The following PPM1L variants were observed in gnomAD, a reference collection of about 807,000 sequenced individuals.
PPM1L encodes the protein protein phosphatase 1L.
PPM1L carries 13 observed loss-of-function variants against 31.4 expected under a neutral mutation model. The ratio of observed to expected loss-of-function variants is 0.41; its 90% CI spans 0.27 to 0.66. PPM1L has a LOEUF of 0.66. Ranked by LOEUF, PPM1L falls within the 30% of genes least tolerant of loss-of-function variation. The pLI is 0.29. For synonymous variants in PPM1L, 184 were observed against 175.4 expected, an observed-to-expected ratio of 1.05 and a Z score of -0.39; for missense variants, 326 against 453.7, an observed-to-expected ratio of 0.72 and a Z score of 2.56.
At chr3:160,961,713 C>T (rs752723928) in intron 1 of PPM1L, 23 bp from the exon 2 acceptor site, 3 of 1,563,798 alleles carry the variant, frequency 1.9e-6, no homozygotes, top group South Asian at 1.2e-5. Context: ...GGAGTTCTCT[C>T]TCTCTGACTG....
At chr3:161,006,485 G>A (rs932239761) in intron 2 of PPM1L, among the ~76,000 whole-genome samples, 3 of 152,106 alleles carry the variant, frequency 2.0e-5, no homozygotes, top group African/African-American at 7.2e-5. Context: ...AAATGACTAA[G>A]AGGGTGAACT....
At chr3:160,770,521 T>C (rs1188550260) in intron 1 of PPM1L, among the ~76,000 whole-genome samples, 2 of 152,208 alleles carry the variant, frequency 1.3e-5, no homozygotes, top group Admixed American at 1.3e-4. Context: ...CTAGAACTTA[T>C]ATAGATGTAA....
chr3:160,978,851 GAGAA>G (rs976177626), intron 2 of PPM1L, among the ~76,000 whole-genome samples: 25 of 151,600 alleles, frequency 1.6e-4, no homozygotes, highest in African/African-American at 2.7e-4. Context: ...GAAAGAAAGA[GAGAA>G]AGAGAGAGAG....
chr3:161,022,144 T>C, intron 2 of PPM1L: 1 of 683,026 alleles, frequency 1.5e-6, no homozygotes, highest in Non-Finnish European at 2.7e-6. Flanking sequence ...TTTTTTTTTT[T>C]TTACCCTTAG....
chr3:161,069,110 G>C lies in PPM1L; in HGVS notation c.1036G>C (p.Val346Leu). 1 of 1,614,168 alleles carries C rather than the reference G, an allele frequency of 6.2e-7. No individual in the cohort carries two copies. Among genetic ancestry groups the C allele is most frequent in the Non-Finnish European group, 8.5e-7 (1 of 1,180,032 alleles). The part of the protein sequence containing the change: ...FYRGCPDNIT[V>L]MVVKFRNSSK... ...CAGAGGCTGCCCTGACAATATAACAGTCATGGTGGTGAAGTTCAGAAATAG... is the reference window on the plus strand; with the variant it reads ...CAGAGGCTGCCCTGACAATATAACACTCATGGTGGTGAAGTTCAGAAATAG... Residue 346 changes from valine (V) to leucine (L), a missense_variant, in exon 4 of 4, where the codon GTC (valine) becomes CTC (leucine). Around this residue, in one of 3 missense-constraint regions of PPM1L, gnomAD observed 201 missense variants for 298.2 expected, o/e 0.67. Coordinates refer to ENST00000498165, the MANE Select transcript of PPM1L (RefSeq NM_139245.4).
At chr3:160,959,266 G>A (rs1031558915) in intron 1 of PPM1L, among the ~76,000 whole-genome samples, 3 of 145,244 alleles carry the variant, frequency 2.1e-5, no homozygotes, top group Admixed American at 6.8e-5. Context: ...AAAGGCATAA[G>A]AATGATATAA....
chr3:160,982,273 A>G (rs1028496458), intron 2 of PPM1L, among the ~76,000 whole-genome samples: 6 of 152,292 alleles, frequency 3.9e-5, no homozygotes, highest in African/African-American at 1.4e-4. Flanking sequence ...CCTCTAATTC[A>G]TTAAGATATT....
intron 2 of PPM1L, among the ~76,000 whole-genome samples, chr3:160,986,712 G>C (rs1273006657): frequency 1.3e-5 from 2 of 152,052 alleles, no homozygotes; most frequent in Non-Finnish European, 2.9e-5. Context: ...CTTCCCTTTA[G>C]CATGGTTGAG....
chr3:160,884,129 G>T (rs1403641559), intron 1 of PPM1L, among the ~76,000 whole-genome samples: 3 of 151,942 alleles, frequency 2.0e-5, no homozygotes, highest in Non-Finnish European at 4.4e-5. Context: ...TATCCCTAAA[G>T]AATTTACCAT....
intron 1 of PPM1L, among the ~76,000 whole-genome samples, chr3:160,838,827 G>A (rs1451385942): frequency 1.3e-5 from 2 of 152,130 alleles, no homozygotes; most frequent in African/African-American, 4.8e-5. Flanking sequence ...GGTCTTGGGG[G>A]TTAAAAACAG....
At position 160,884,286 on chromosome 3, in the gene PPM1L, T is replaced by A. The variant is rs147483437; in HGVS notation, c.400-77450T>A. 1.2e-3 allele frequency among the ~76,000 whole-genome samples: 178 copies of A among 152,306 alleles called. 3 individuals carry two copies. The East Asian group carries it at 0.034, about 29-fold the overall frequency. On this transcript the variant is annotated intron_variant, in intron 1 of 3. Coordinates refer to ENST00000498165, the MANE Select transcript of PPM1L (RefSeq NM_139245.4). ...ATCAAGAAAGGCTTTGTGGAGGAGC[T>A]GGCATTTAGGTGTGTAGGTCTCCAT...
chr3:161,001,820 A>C lies in PPM1L; in HGVS notation c.574+39910A>C, dbSNP rs148709600. Among the ~76,000 whole-genome samples, 556 of 152,188 alleles carry C rather than the reference A, an allele frequency of 3.7e-3. 6 individuals carry two copies. Among genetic ancestry groups the C allele is most frequent in the African/African-American group, 0.013 (530 of 41,530 alleles). On this transcript the variant is annotated intron_variant, in intron 2 of 3. Coordinates refer to ENST00000498165, the MANE Select transcript of PPM1L (RefSeq NM_139245.4). ...ACCCTCCCTAAAGTGTTTACATTTT[A>C]AGGATCTTTCTTTTTTTTAATTCAT...
chr3:160,892,746 C>T (rs1047944689), intron 1 of PPM1L, among the ~76,000 whole-genome samples: 1 of 151,950 alleles, frequency 6.6e-6, no homozygotes, highest in Non-Finnish European at 1.5e-5. Flanking sequence ...CTTCTCACTA[C>T]ACATTTCTTT....
intron 1 of PPM1L, among the ~76,000 whole-genome samples, chr3:160,914,923 C>T (rs1408800764): frequency 6.6e-6 from 1 of 152,082 alleles, no homozygotes; most frequent in Non-Finnish European, 1.5e-5. Context: ...AAAAGTGTTC[C>T]TATTTCTCCA....
chr3:160,886,071 A>G (rs941126684), intron 1 of PPM1L, among the ~76,000 whole-genome samples: 6 of 152,218 alleles, frequency 3.9e-5, no homozygotes, highest in Non-Finnish European at 8.8e-5. Context: ...CCACAGGCCA[A>G]CACACCAGCT....
chr3:160,890,175 G>T (rs1215914403), intron 1 of PPM1L, among the ~76,000 whole-genome samples: 1 of 152,138 alleles, frequency 6.6e-6, no homozygotes, highest in East Asian at 1.9e-4. Flanking sequence ...GAAGTAAAGG[G>T]TATTCACATA....
chr3:160,929,762 C>A (rs1375724643), intron 1 of PPM1L, among the ~76,000 whole-genome samples: 1 of 152,230 alleles, frequency 6.6e-6, no homozygotes, highest in Non-Finnish European at 1.5e-5. Flanking sequence ...TGGCTTCAGG[C>A]CAGCTCTCTC....
At chr3:160,915,356 G>A (rs952476093) in intron 1 of PPM1L, among the ~76,000 whole-genome samples, 8 of 152,122 alleles carry the variant, frequency 5.3e-5, no homozygotes, top group East Asian at 1.9e-4. Flanking sequence ...TACAAGGGAC[G>A]TGAAGGACCT....
At chr3:161,040,610 A>C (rs932471136) in intron 2 of PPM1L, among the ~76,000 whole-genome samples, 2 of 152,216 alleles carry the variant, frequency 1.3e-5, no homozygotes, top group Non-Finnish European at 2.9e-5. Context: ...TTAATTAATC[A>C]CAAAAAATCC....
Sources: gnomAD v4.1 joint callset for allele counts (sites outside exome capture counted in the v4.1 genomes callset) on GRCh38, gnomAD v4.1.1 for gene constraint, gnomAD v4.1.1 regional missense constraint, MANE v1.5 for transcripts, NCBI Gene and HGNC (gene_info 2026-07-23, HGNC 2026-07-21) for gene names.